The following KIF7 variants were observed in gnomAD, a reference collection of about 807,000 sequenced individuals.
KIF7 encodes the protein kinesin family member 7.
A neutral mutation model predicts 135.7 loss-of-function variants in KIF7; 104 were observed. The observed-to-expected ratio is 0.77, with a 90% CI of 0.65 to 0.90. KIF7 has a LOEUF of 0.90. Among genes scored for constraint, KIF7 ranks in the 40% least tolerant of loss-of-function variants. KIF7 has a pLI of 0.00. For missense variants in KIF7, 2,005 were observed against 1,839.1 expected (o/e 1.09, Z -1.65); for synonymous variants, 883 against 809.4 (o/e 1.09, Z -1.54).
chr15:89,627,215 G>T, downstream of KIF7: 1 of 1,149,624 alleles, frequency 8.7e-7, no homozygotes, highest in East Asian at 2.4e-5. Context: ...GAATGCCTTA[G>T]GGTTTTCTAA....
rs1964145398 is a variant in KIF7, at chr15:89,652,798, C to G, written c.133G>C (p.Gly45Arg). ...QSCLQVEPGLGRVTLGRDRHF... is the reference protein window; with the variant it reads ...QSCLQVEPGLRRVTLGRDRHF... ...CGGTCACGGCCCAGAGTGACGCGGC[C>G]AAGCCCTGGCTCCACCTGCAGGCAG... is the stretch of plus-strand genomic sequence containing the variant. The change falls in exon 2 of 19, where the codon GGC becomes CGC. Residue 45 changes from glycine to arginine, a missense_variant. Physicochemically the swap from Gly to Arg is moderately radical, Grantham distance 125. Coordinates refer to ENST00000394412, the MANE Select transcript of KIF7 (RefSeq NM_198525.3). The G allele has an allele frequency of 1.9e-6, 3 of 1,551,142 alleles. No individual in the cohort carries two copies. The highest frequency in any genetic ancestry group is 2.6e-6 in the Non-Finnish European group (3 of 1,146,936).
downstream of KIF7, chr15:89,624,546 C>T: frequency 6.2e-7 from 1 of 1,613,802 alleles, no homozygotes; most frequent in African/African-American, 1.3e-5. Flanking sequence ...GCACAGCTGA[C>T]AGCCCAGCTG....
chr15:89,648,999 G>T lies in KIF7; in HGVS notation c.898C>A (p.Pro300Thr). Residue 300 changes from proline (P) to threonine (T), a missense_variant, in exon 4 of 19, where the codon CCC becomes ACC. By Grantham distance (38) the Pro-to-Thr change is conservative. Coordinates refer to ENST00000394412, the MANE Select transcript of KIF7 (RefSeq NM_198525.3). Reference sequence around the variant, plus strand: ...CGGGTGATCTTGGAGTCGCGGTAGGGTATGTGGCTGCCCCGGCGCTGAGGG... The same window carrying T: ...CGGGTGATCTTGGAGTCGCGGTAGGTTATGTGGCTGCCCCGGCGCTGAGGG... ...GDPQRRGSHI[P>T]YRDSKITRIL... 1.3e-6 allele frequency: 2 copies of T among 1,546,464 alleles called. No individual in the cohort carries two copies. The highest frequency in any genetic ancestry group is 2.4e-5 in the South Asian group (2 of 83,980).
intron 3 of KIF7, 70 bp downstream of exon 3, chr15:89,649,671 C>T: frequency 1.4e-6 from 2 of 1,477,424 alleles, no homozygotes; most frequent in Non-Finnish European, 1.8e-6. Context: ...GACAGGTAAG[C>T]ACTCCACTCC....
upstream of KIF7, among the ~76,000 whole-genome samples, chr15:89,658,510 A>C (rs984262238): frequency 1.3e-5 from 2 of 152,072 alleles, no homozygotes; most frequent in Non-Finnish European, 2.9e-5. Flanking sequence ...TAAGACAGTT[A>C]TCCACGTGGA....
At chr15:89,642,431 C>T (rs1963941432) in intron 10 of KIF7, 26 bp from the exon 11 acceptor site, 3 of 1,546,138 alleles carry the variant, frequency 1.9e-6, no homozygotes, top group African/African-American at 1.4e-5. Flanking sequence ...AATGTCAGCA[C>T]AGGCAGCCCT....
At chr15:89,634,605 C>T (rs969495928) in intron 11 of KIF7, among the ~76,000 whole-genome samples, 1 of 152,250 alleles carries the variant, frequency 6.6e-6, no homozygotes, top group Non-Finnish European at 1.5e-5. Flanking sequence ...CACCAGAATA[C>T]TGCGCTTTTC....
chr15:89,624,331 A>G (rs760499981), downstream of KIF7: 9 of 1,614,062 alleles, frequency 5.6e-6, no homozygotes, highest in Non-Finnish European at 6.8e-6. Flanking sequence ...ACTGGATCAG[A>G]AAGAGCCCCA....
intron 1 of KIF7, chr15:89,619,667 G>A: frequency 6.3e-7 from 1 of 1,576,538 alleles, no homozygotes; most frequent in Non-Finnish European, 8.6e-7. Context: ...TGTCAAGCTT[G>A]TAGTTGTCTT....
rs2142025143 is a variant in KIF7 at position 89,646,999 on chromosome 15, A to G, written c.1619T>C (p.Leu540Pro). 1 of 1,612,652 alleles carries G rather than the reference A, an allele frequency of 6.2e-7. No homozygotes were observed. Among genetic ancestry groups the G allele is most frequent in the African/African-American group, 1.3e-5 (1 of 75,026 alleles). Residue 540 changes from leucine (L) to proline (P), a missense_variant, in exon 7 of 19, where the codon CTG becomes CCG. By Grantham distance (98) the Leu-to-Pro change is moderately conservative. Transcript: ENST00000394412. ...EMVELRLRLELVRPGWGGPRL... is the reference protein window; with the variant it reads ...EMVELRLRLEPVRPGWGGPRL... ...CGGGCCCCCCCAGCCTGGCCGCACC[A>G]GCTCTAACCGCAGCCGCAGTTCCAC...
At chr15:89,651,431 G>A (rs1328343306) in intron 2 of KIF7, among the ~76,000 whole-genome samples, 1 of 151,746 alleles carries the variant, frequency 6.6e-6, no homozygotes, top group East Asian at 1.9e-4. Context: ...ATGGGGTTTT[G>A]CCATGTTGGC....
intron 10 of KIF7, among the ~76,000 whole-genome samples, chr15:89,644,313 T>C (rs1054153101): frequency 1.3e-5 from 2 of 152,166 alleles, no homozygotes; most frequent in East Asian, 1.9e-4. Context: ...TGACACTCAC[T>C]GTGTGCTCCC....
chr15:89,645,911 C>T lies in KIF7; in HGVS notation c.1904G>A (p.Arg635Gln), dbSNP rs747191989. ...CACTCACCTGCGCAGGTGTAAGGTC[C>T]GCCTGGGCGGCTCCTCCTCCTCCTC... ...EEEEEEEPPRRTLHLRRNRIS... is the reference protein window; with the variant it reads ...EEEEEEEPPRQTLHLRRNRIS... The change falls in exon 8 of 19, where the codon CGG (arginine) becomes CAG (glutamine). Residue 635 changes from arginine (R) to glutamine (Q), a missense_variant. Coordinates refer to ENST00000394412, the MANE Select transcript of KIF7 (RefSeq NM_198525.3). The T allele has an allele frequency of 3.3e-5, 53 of 1,613,452 alleles. No homozygotes were observed. Among genetic ancestry groups the T allele is most frequent in the African/African-American group, 1.2e-4 (9 of 74,896 alleles).
chr15:89,624,898 G>C, downstream of KIF7: 4 of 1,614,154 alleles, frequency 2.5e-6, no homozygotes, highest in South Asian at 4.4e-5. Context: ...CTGTACCACA[G>C]ATGGGAGACA....
downstream of KIF7, chr15:89,624,334 G>A (rs938959824): frequency 5.0e-6 from 8 of 1,614,040 alleles, no homozygotes; most frequent in Non-Finnish European, 5.9e-6. Context: ...GGATCAGAAA[G>A]AGCCCCAGAT....
At chr15:89,634,163 G>C (rs1364489192) in intron 11 of KIF7, among the ~76,000 whole-genome samples, 1 of 152,170 alleles carries the variant, frequency 6.6e-6, no homozygotes, top group Admixed American at 6.5e-5. Context: ...GCTGGGTTTG[G>C]TGGTGGGTGC....
rs1963596057 is a variant in KIF7, at chr15:89,628,778, T to C, written c.3673A>G (p.Lys1225Glu). The change falls in exon 19 of 19, where the codon AAG becomes GAG. Residue 1225 changes from lysine to glutamate, a missense_variant. Coordinates refer to ENST00000394412, the MANE Select transcript of KIF7 (RefSeq NM_198525.3). ...NAVGHSRGGE[K>E]RSLCSEGRQA... is the part of the protein sequence containing the mutation. ...CTGCCCTCCGAGCACAGGCTCCTCT[T>C]CTCCCCACCTGTCATGGAGAGTAAC... 6.2e-7 allele frequency: 1 copy of C among 1,611,812 alleles called. No homozygotes were observed. The highest frequency in any genetic ancestry group is 1.7e-5 in the Admixed American group (1 of 59,998).
At chr15:89,649,973 TC>T (rs1348628783) in intron 2 of KIF7, 32 bp from the exon 3 acceptor site, 1 of 1,544,536 alleles carries the variant, frequency 6.5e-7, no homozygotes, top group South Asian at 1.2e-5. Flanking sequence ...TCCTGCCACT[TC>T]AGCTGGACAC....
intron 11 of KIF7, among the ~76,000 whole-genome samples, chr15:89,638,072 G>T (rs549695406): frequency 6.7e-6 from 1 of 148,500 alleles, no homozygotes; most frequent in Non-Finnish European, 1.5e-5. Context: ...ACAAAATCAC[G>T]ATTATCTCAA....
Sources: allele counts gnomAD v4.1 joint callset (sites outside exome capture counted in the v4.1 genomes callset), GRCh38; gene constraint gnomAD v4.1.1; transcripts MANE v1.5; gene names NCBI Gene and HGNC (gene_info 2026-07-23, HGNC 2026-07-21).